The following ZNF608 variants were observed in gnomAD, a reference collection of about 807,000 sequenced individuals.
ZNF608 encodes the protein zinc finger protein 608.
Under a neutral mutation model 109.0 loss-of-function variants are expected in ZNF608, and 12 were observed. The ratio of observed to expected loss-of-function variants is 0.11; its 90% CI spans 0.07 to 0.18. The LOEUF is 0.18. ZNF608 is among the 10% of genes least tolerant of loss of function. ZNF608 has a pLI of 1.00. For synonymous variants in ZNF608, 732 were observed against 717.4 expected, an observed-to-expected ratio of 1.02 and a Z score of -0.33; for missense variants, 1,707 against 1,879.3, an observed-to-expected ratio of 0.91 and a Z score of 1.70.
At chr5:124,642,354 C>A (rs1750280553) in intron 7 of ZNF608, among the ~76,000 whole-genome samples, 1 of 152,182 alleles carries the variant, frequency 6.6e-6, no homozygotes, top group South Asian at 2.1e-4. Flanking sequence ...ACAGCAGACA[C>A]AGCTCTCACT....
At chr5:124,646,144 T>C (rs988909958) in intron 5 of ZNF608, among the ~76,000 whole-genome samples, 16 of 152,032 alleles carry the variant, frequency 1.1e-4, no homozygotes, top group South Asian at 2.1e-4. Context: ...GGGCGGATCA[T>C]GAGGTCAGGA....
At chr5:124,706,005 A>G (rs1253523574) in intron 2 of ZNF608, among the ~76,000 whole-genome samples, 1 of 152,236 alleles carries the variant, frequency 6.6e-6, no homozygotes, top group East Asian at 1.9e-4. Flanking sequence ...GCCCTTCTGG[A>G]CTGACTGTGT....
chr5:124,730,555 G>A (rs536057836), intron 2 of ZNF608, among the ~76,000 whole-genome samples: 5 of 152,274 alleles, frequency 3.3e-5, no homozygotes, highest in South Asian at 2.1e-4. Context: ...GCAGGCTTAC[G>A]GATGCAAATG....
At chr5:124,656,993 T>C (rs1751041194) in intron 3 of ZNF608, among the ~76,000 whole-genome samples, 1 of 152,174 alleles carries the variant, frequency 6.6e-6, no homozygotes, top group African/African-American at 2.4e-5. Flanking sequence ...ATCATTGAGC[T>C]TCTTTGGAAA....
chr5:124,723,560 C>A (rs1158842920), intron 2 of ZNF608, among the ~76,000 whole-genome samples: 1 of 152,066 alleles, frequency 6.6e-6, no homozygotes, highest in Non-Finnish European at 1.5e-5. Context: ...TGGTGGTGGG[C>A]ACCTGTAATT....
At chr5:124,637,954 T>G in intron 9 of ZNF608, 48 bp from the exon 10 acceptor site, 1 of 1,608,340 alleles carries the variant, frequency 6.2e-7, no homozygotes, top group Non-Finnish European at 8.5e-7. Flanking sequence ...CAACATTTTG[T>G]TTGTTTGTTT....
At chr5:124,701,375 T>C in intron 2 of ZNF608, 106 bp from the exon 3 acceptor site, 3 of 1,395,362 alleles carry the variant, frequency 2.1e-6, no homozygotes, top group Non-Finnish European at 2.9e-6. Flanking sequence ...CAAATTCCAT[T>C]TGCAATTATA....
intron 3 of ZNF608, among the ~76,000 whole-genome samples, chr5:124,679,848 T>C (rs1254456581): frequency 6.6e-6 from 1 of 152,202 alleles, no homozygotes; most frequent in Non-Finnish European, 1.5e-5. Context: ...CTGTCCCTTG[T>C]AGAAGGAAAG....
At chr5:124,654,757 C>A (rs993621709) in intron 3 of ZNF608, among the ~76,000 whole-genome samples, 1 of 152,222 alleles carries the variant, frequency 6.6e-6, no homozygotes, top group African/African-American at 2.4e-5. Flanking sequence ...CCATAAGAAC[C>A]TCTCATCCCT....
At chr5:124,715,131 T>C (rs144035130) in intron 2 of ZNF608, among the ~76,000 whole-genome samples, 50 of 152,352 alleles carry the variant, frequency 3.3e-4, no homozygotes, top group African/African-American at 1.2e-3. Context: ...AGCTATTTTA[T>C]AGGGGTACTT....
chr5:124,690,574 A>C (rs564186206), intron 3 of ZNF608, among the ~76,000 whole-genome samples: 1 of 152,274 alleles, frequency 6.6e-6, no homozygotes, highest in African/African-American at 2.4e-5. Context: ...CAGGTCGGAC[A>C]CAGTGGTTCA....
intron 3 of ZNF608, among the ~76,000 whole-genome samples, chr5:124,657,883 G>A (rs142532102): frequency 3.9e-5 from 6 of 152,224 alleles, no homozygotes; most frequent in African/African-American, 1.2e-4. Context: ...TCTTTAGAAA[G>A]TAATTTTTAA....
chr5:124,725,194 A>T (rs1483027868), intron 2 of ZNF608, among the ~76,000 whole-genome samples: 1 of 151,948 alleles, frequency 6.6e-6, no homozygotes, highest in Admixed American at 6.6e-5. Flanking sequence ...CTCAAACATA[A>T]ACAAATAAAA....
intron 3 of ZNF608, among the ~76,000 whole-genome samples, chr5:124,669,279 T>C (rs547421364): frequency 6.6e-6 from 1 of 152,318 alleles, no homozygotes; most frequent in Admixed American, 6.5e-5. Context: ...AGCCTCTTGC[T>C]CTACTTGCTT....
At position 124,746,254 on chromosome 5, in the gene ZNF608, A is replaced by T; in HGVS notation, c.-243T>A. 1 of 985,354 alleles carries T rather than the reference A, an allele frequency of 1.0e-6. No homozygotes were observed. 61.0% of individuals were successfully genotyped at this position (985,354 alleles called of 1,614,324 possible). A position where few individuals can be genotyped will look rare whatever the true frequency, so the allele number is the denominator to read the frequency against. On this transcript the variant is annotated 5_prime_UTR_variant, in exon 1 of 10. Coordinates refer to ENST00000513986, the MANE Select transcript of ZNF608 (RefSeq NM_020747.3). ...CAAATCAAAATGCCTTTCCCACTCC[A>T]CTCGGCAAACAAGCCTGTGCCTCAT...
chr5:124,675,735 A>G (rs759225593), intron 3 of ZNF608, among the ~76,000 whole-genome samples: 7 of 152,150 alleles, frequency 4.6e-5, no homozygotes, highest in Non-Finnish European at 7.4e-5. Context: ...CACTTTCTCC[A>G]TCCATTTTTA....
chr5:124,695,925 T>C (rs1752830369), intron 3 of ZNF608, among the ~76,000 whole-genome samples: 1 of 152,154 alleles, frequency 6.6e-6, no homozygotes, highest in African/African-American at 2.4e-5. Flanking sequence ...GGCTCACGCC[T>C]GTAATCCCAG....
At chr5:124,665,269 C>A (rs1751432217) in intron 3 of ZNF608, among the ~76,000 whole-genome samples, 1 of 151,986 alleles carries the variant, frequency 6.6e-6, no homozygotes, top group Non-Finnish European at 1.5e-5. Flanking sequence ...AAGAAAACAG[C>A]AAATGTTACA....
rs1017686041 is a variant in ZNF608, at chr5:124,746,513, T to C, written c.-502A>G. 23 of 985,194 alleles carry C rather than the reference T, an allele frequency of 2.3e-5. No homozygotes were observed. Among genetic ancestry groups the C allele is most frequent in the Non-Finnish European group, 2.5e-5 (21 of 829,908 alleles). The allele number at this position is 985,194 out of a possible 1,614,324, so 61.0% of individuals were successfully genotyped here. On this transcript the variant is annotated 5_prime_UTR_variant, in exon 1 of 10. Coordinates refer to ENST00000513986, the MANE Select transcript of ZNF608 (RefSeq NM_020747.3). ...AACAAGCATCGAGAATAATAGTTTT[T>C]TAAAAAACAGAGAGTTTAGAGAAAA...
Sources: gnomAD v4.1 joint callset for allele counts (sites outside exome capture counted in the v4.1 genomes callset) on GRCh38, gnomAD v4.1.1 for gene constraint, MANE v1.5 for transcripts, NCBI Gene and HGNC (gene_info 2026-07-23, HGNC 2026-07-21) for gene names.